The following ANXA5 variants were observed in gnomAD, a reference collection of about 807,000 sequenced individuals.
ANXA5 encodes annexin A5.
Under a neutral mutation model 48.1 loss-of-function variants are expected in ANXA5, and 40 were observed. That is an observed-to-expected ratio of 0.83 (90% confidence interval 0.65 to 1.08). The LOEUF (loss-of-function observed/expected upper bound fraction) is 1.08. Among genes scored for constraint, ANXA5 ranks in the 50% least tolerant of loss-of-function variants. The pLI is 0.00. For missense variants in ANXA5, 357 were observed against 376.8 expected, an observed-to-expected ratio of 0.95 and a Z score of 0.44; for synonymous variants, 113 against 129.1, an observed-to-expected ratio of 0.88 and a Z score of 0.85.
At chr4:121,693,063 G>A (rs1428096124) in intron 2 of ANXA5, among the ~76,000 whole-genome samples, 2 of 152,118 alleles carry the variant, frequency 1.3e-5, no homozygotes, top group African/African-American at 2.4e-5. Flanking sequence ...GCGAAACTCC[G>A]TCTCTACTAA....
intron 8 of ANXA5, among the ~76,000 whole-genome samples, chr4:121,673,627 A>G (rs1338133556): frequency 6.6e-6 from 1 of 152,162 alleles, no homozygotes; most frequent in African/African-American, 2.4e-5. Context: ...TAAGAAAAAA[A>G]TGAGACTCAT....
intron 8 of ANXA5, among the ~76,000 whole-genome samples, chr4:121,676,538 A>G (rs1456658353): frequency 1.3e-5 from 2 of 152,230 alleles, no homozygotes; most frequent in Non-Finnish European, 1.5e-5. Flanking sequence ...TCATTCATTC[A>G]TCAGTTATTT....
At chr4:121,694,509 C>T (rs1042569148) in intron 2 of ANXA5, among the ~76,000 whole-genome samples, 1 of 151,368 alleles carries the variant, frequency 6.6e-6, no homozygotes, top group Non-Finnish European at 1.5e-5. Flanking sequence ...CTCAGCCTCC[C>T]GAGTAGCTGG....
chr4:121,669,358 C>A, intron 12 of ANXA5: 1 of 431,142 alleles, frequency 2.3e-6, no homozygotes, highest in Non-Finnish European at 4.1e-6. Context: ...CATCTGTTAC[C>A]ACTACTAAAT....
chr4:121,674,845 G>A (rs1317340036), intron 8 of ANXA5, among the ~76,000 whole-genome samples: 1 of 152,096 alleles, frequency 6.6e-6, no homozygotes, highest in East Asian at 1.9e-4. Context: ...TAAGCTTTAC[G>A]GTTCAGCCTG....
intron 8 of ANXA5, 116 bp from the exon 9 acceptor site, chr4:121,672,742 T>C (rs2110479836): frequency 1.4e-6 from 1 of 734,504 alleles, no homozygotes; most frequent in African/African-American, 1.8e-5. Context: ...CATCTTGTAT[T>C]AATAGTTTTC....
intron 2 of ANXA5, 29 bp downstream of exon 2, chr4:121,696,552 C>A (rs994033793): frequency 7.2e-6 from 10 of 1,381,964 alleles, no homozygotes; most frequent in Non-Finnish European, 9.5e-6. Context: ...GTGGGTAAAT[C>A]CAGCGCAGTG....
In ANXA5 at chr4:121,686,998, C is replaced by T. The variant is rs142944254; in HGVS notation, c.10-626G>A. ...CTGCTTTTAATAACCAAAATATCTT[C>T]GTATTTCAAAAAAAATTAGTGATAT... On this transcript the variant is annotated intron_variant, in intron 2 of 12. Coordinates refer to ENST00000296511, the MANE Select transcript of ANXA5 (RefSeq NM_001154.4). Among the ~76,000 whole-genome samples, 988 of 152,198 alleles carry T rather than the reference C, an allele frequency of 6.5e-3. 12 individuals carry two copies. The highest frequency in any genetic ancestry group is 0.022 in the African/African-American group (931 of 41,542).
chr4:121,685,881 T>C (rs17051385), intron 3 of ANXA5, among the ~76,000 whole-genome samples: 3,077 of 152,292 alleles, frequency 0.02, 37 homozygotes, highest in East Asian at 0.042. Flanking sequence ...TTTAACTGCC[T>C]GTTCAGTTCT....
chr4:121,680,475 T>A (rs531025249), intron 6 of ANXA5, among the ~76,000 whole-genome samples: 209 of 152,328 alleles, frequency 1.4e-3, no homozygotes, highest in African/African-American at 4.9e-3. Flanking sequence ...AATTTCATTA[T>A]CCTTTAAATA....
At chr4:121,685,563 T>C (rs1724872442) in intron 3 of ANXA5, among the ~76,000 whole-genome samples, 1 of 151,948 alleles carries the variant, frequency 6.6e-6, no homozygotes, top group African/African-American at 2.4e-5. Context: ...TAAACAGTAA[T>C]GGGAGATGAG....
At chr4:121,678,320 T>C in intron 7 of ANXA5, 95 bp downstream of exon 7, 5 of 999,328 alleles carry the variant, frequency 5.0e-6, no homozygotes, top group Non-Finnish European at 7.5e-6. Context: ...TACCACAAAT[T>C]ATTAAAAGAA....
intron 8 of ANXA5, among the ~76,000 whole-genome samples, chr4:121,677,500 T>C (rs1158179514): frequency 2.6e-5 from 4 of 152,204 alleles, no homozygotes; most frequent in Non-Finnish European, 4.4e-5. Flanking sequence ...ATCTCTTATG[T>C]AATTAAACAC....
chr4:121,671,701 G>T, intron 9 of ANXA5, 59 bp from the exon 10 acceptor site: 1 of 1,212,316 alleles, frequency 8.2e-7, no homozygotes, highest in South Asian at 1.2e-5. Context: ...CAGAAAGATG[G>T]TATTTACTTT....
At position 121,668,330 on chromosome 4, in the gene ANXA5, G is replaced by A. The variant is rs1388589530; in HGVS notation, c.*138C>T. On this transcript the variant is annotated 3_prime_UTR_variant, in exon 13 of 13. Coordinates refer to ENST00000296511, the MANE Select transcript of ANXA5 (RefSeq NM_001154.4). ...AAGCACCACTATTTTCTTCTATGACGTGTATGTGTTGGTCATGAGCATGCT... is the reference window on the plus strand; with the variant it reads ...AAGCACCACTATTTTCTTCTATGACATGTATGTGTTGGTCATGAGCATGCT... 4 of 696,592 alleles carry A rather than the reference G, an allele frequency of 5.7e-6. No homozygotes were observed. Among genetic ancestry groups the A allele is most frequent in the Non-Finnish European group, 1.0e-5 (4 of 392,930 alleles). The allele number at this position is 696,592 out of a possible 1,614,324, so 43.2% of individuals were successfully genotyped here. A position where few individuals can be genotyped will look rare whatever the true frequency, so the allele number is the denominator to read the frequency against.
chr4:121,692,960 G>A (rs933090921), intron 2 of ANXA5, among the ~76,000 whole-genome samples: 88 of 152,312 alleles, frequency 5.8e-4, no homozygotes, highest in African/African-American at 1.9e-3. Context: ...CCCACCAGGC[G>A]CAGTGGCTCA....
Position 121,685,036 on chromosome 4 carries a change from A to G in ANXA5, c.95-265T>C, listed in dbSNP as rs529790051. On this transcript the variant is annotated intron_variant, in intron 3 of 12. Coordinates refer to ENST00000296511, the MANE Select transcript of ANXA5 (RefSeq NM_001154.4). Reference sequence around the variant, plus strand: ...TCTCTTAGAAAAAAAAAAAATATGTATATATATATATATATACACACACAC... The same window carrying G: ...TCTCTTAGAAAAAAAAAAAATATGTGTATATATATATATATACACACACAC... Among the ~76,000 whole-genome samples, 881 of 115,890 alleles carry G rather than the reference A, an allele frequency of 7.6e-3. 6 individuals carry two copies. Among genetic ancestry groups the G allele is most frequent in the Non-Finnish European group, 0.012 (701 of 56,696 alleles). 76.0% of individuals were successfully genotyped at this position (115,890 alleles called of 152,430 possible). A position where few individuals can be genotyped will look rare whatever the true frequency, so the allele number is the denominator to read the frequency against.
At chr4:121,682,811 A>G (rs1260849657) in intron 5 of ANXA5, among the ~76,000 whole-genome samples, 1 of 152,172 alleles carries the variant, frequency 6.6e-6, no homozygotes, top group Non-Finnish European at 1.5e-5. Flanking sequence ...ATGCCTTCAT[A>G]TTTATACAAC....
At position 121,671,584 on chromosome 4, in the gene ANXA5, C is replaced by CT. The variant is rs1724613366; in HGVS notation, c.683dup (p.Thr229AspfsTer38). 3.7e-6 allele frequency: 6 copies of CT among 1,613,544 alleles called. No individual in the cohort carries two copies. Among genetic ancestry groups the CT allele is most frequent in the African/African-American group, 1.3e-5 (1 of 74,896 alleles). On this transcript the variant is annotated frameshift_variant, in exon 10 of 13. Coordinates refer to ENST00000296511, the MANE Select transcript of ANXA5 (RefSeq NM_001154.4). LOFTEE classifies it high-confidence loss of function. The stretch of plus-strand genomic sequence containing the variant: ...GTAGTTGCTCTAAATTGCCAGAAGT[C>CT]TCGCGGTCAATGGTTTCCTCAATTT...
Sources: gnomAD v4.1 joint callset for allele counts (sites outside exome capture counted in the v4.1 genomes callset) on GRCh38, gnomAD v4.1.1 for gene constraint, MANE v1.5 for transcripts, NCBI Gene and HGNC (gene_info 2026-07-23, HGNC 2026-07-21) for gene names.